NLGN1: variants seen among roughly 807,000 people sequenced by gnomAD.
NLGN1 encodes neuroligin-1.
Under a neutral mutation model 65.5 loss-of-function variants are expected in NLGN1, and 12 were observed. The ratio of observed to expected loss-of-function variants is 0.18; its 90% CI spans 0.12 to 0.30. The LOEUF is 0.30. Ranked by LOEUF, NLGN1 falls within the 10% of genes least tolerant of loss-of-function variation. The probability of loss-of-function intolerance (pLI) is 1.00; values close to 1 mark genes in which losing one functional copy is unlikely to be tolerated. For synonymous variants in NLGN1, 350 were observed against 359.5 expected, an observed-to-expected ratio of 0.97 and a Z score of 0.30; for missense variants, 750 against 1,007.1, an observed-to-expected ratio of 0.74 and a Z score of 3.46.
At chr3:174,218,237 C>A (rs1351495916) in intron 4 of NLGN1, among the ~76,000 whole-genome samples, 2 of 152,068 alleles carry the variant, frequency 1.3e-5, no homozygotes, top group East Asian at 3.9e-4. Flanking sequence ...ATTGATTACC[C>A]TTTACCTTCC....
intron 2 of NLGN1, among the ~76,000 whole-genome samples, chr3:173,474,101 C>T (rs971404217): frequency 6.6e-6 from 1 of 151,946 alleles, no homozygotes; most frequent in African/African-American, 2.4e-5. Flanking sequence ...CCTCCTGCTC[C>T]TCCTCACCCT....
chr3:173,792,242 C>T (rs1712953093), intron 3 of NLGN1, among the ~76,000 whole-genome samples: 1 of 152,136 alleles, frequency 6.6e-6, no homozygotes, highest in African/African-American at 2.4e-5. Context: ...CCTTCACTGG[C>T]TTGTTTCCAG....
At chr3:173,608,492 A>G (rs1019419837) in intron 3 of NLGN1, among the ~76,000 whole-genome samples, 14 of 151,902 alleles carry the variant, frequency 9.2e-5, no homozygotes, top group Admixed American at 7.9e-4. Context: ...CCATTTAATC[A>G]TCATAGCAAC....
At chr3:173,610,912 G>A (rs1037772582) in intron 3 of NLGN1, among the ~76,000 whole-genome samples, 4 of 151,992 alleles carry the variant, frequency 2.6e-5, no homozygotes, top group Non-Finnish European at 5.9e-5. Flanking sequence ...GGTAGGTTAA[G>A]ATAGAAGAAA....
intron 4 of NLGN1, among the ~76,000 whole-genome samples, chr3:174,171,707 A>T (rs576210608): frequency 6.6e-6 from 1 of 152,256 alleles, no homozygotes; most frequent in Admixed American, 6.5e-5. Context: ...TTGAATCTTT[A>T]GGTATTTTAT....
At chr3:174,203,102 A>G (rs1271740737) in intron 4 of NLGN1, among the ~76,000 whole-genome samples, 3 of 152,182 alleles carry the variant, frequency 2.0e-5, no homozygotes, top group Admixed American at 2.0e-4. Context: ...CTGAAGCACA[A>G]ACTTAAGCTC....
chr3:174,058,546 C>T (rs1305716606), intron 4 of NLGN1, among the ~76,000 whole-genome samples: 1 of 151,956 alleles, frequency 6.6e-6, no homozygotes, highest in Non-Finnish European at 1.5e-5. Context: ...TAGGTAGATA[C>T]TCGTATACAT....
At chr3:174,063,602 G>A (rs912399190) in intron 4 of NLGN1, among the ~76,000 whole-genome samples, 3 of 151,852 alleles carry the variant, frequency 2.0e-5, no homozygotes, top group African/African-American at 7.3e-5. Context: ...ATGTCATGAG[G>A]TTCTTATATT....
chr3:173,429,072 TA>T (rs564645925), intron 1 of NLGN1, among the ~76,000 whole-genome samples: 3 of 152,164 alleles, frequency 2.0e-5, no homozygotes, highest in Non-Finnish European at 4.4e-5. Context: ...TACTATTTTT[TA>T]AATAAGTTTT....
At chr3:173,781,667 A>G (rs1340746257) in intron 3 of NLGN1, among the ~76,000 whole-genome samples, 2 of 152,236 alleles carry the variant, frequency 1.3e-5, no homozygotes, top group Non-Finnish European at 2.9e-5. Context: ...CACTTCAGAC[A>G]GGAGGGGTTA....
intron 4 of NLGN1, among the ~76,000 whole-genome samples, chr3:173,969,557 G>A (rs948090122): frequency 2.0e-4 from 30 of 152,024 alleles, no homozygotes; most frequent in Admixed American, 1.9e-3. Flanking sequence ...ACTAGAGCAA[G>A]GTTTGGCCTG....
intron 3 of NLGN1, among the ~76,000 whole-genome samples, chr3:173,674,935 A>G (rs917021959): frequency 6.6e-6 from 1 of 151,872 alleles, no homozygotes; most frequent in South Asian, 2.1e-4. Flanking sequence ...AAAAAATTAT[A>G]TTTTTTTCAT....
At chr3:173,862,922 C>T (rs1729427146) in intron 4 of NLGN1, among the ~76,000 whole-genome samples, 1 of 152,122 alleles carries the variant, frequency 6.6e-6, no homozygotes, top group Admixed American at 6.5e-5. Flanking sequence ...AGGTTAACCC[C>T]TATACCCATT....
At chr3:173,587,171 A>G (rs1747605801) in intron 2 of NLGN1, among the ~76,000 whole-genome samples, 1 of 152,232 alleles carries the variant, frequency 6.6e-6, no homozygotes, top group Admixed American at 6.5e-5. Context: ...ACTTAACTGA[A>G]TGTGCCTTTG....
At chr3:173,754,156 C>T (rs1776753270) in intron 3 of NLGN1, among the ~76,000 whole-genome samples, 1 of 151,316 alleles carries the variant, frequency 6.6e-6, no homozygotes, top group Non-Finnish European at 1.5e-5. Context: ...AGGCGATCCT[C>T]GCACCTCAGC....
At chr3:174,242,913 G>A (rs2152833219) in intron 4 of NLGN1, among the ~76,000 whole-genome samples, 1 of 151,990 alleles carries the variant, frequency 6.6e-6, no homozygotes, top group African/African-American at 2.4e-5. Flanking sequence ...TGATCTAACG[G>A]CGTTAAATGA....
At chr3:173,903,273 G>A (rs1737721725) in intron 4 of NLGN1, among the ~76,000 whole-genome samples, 1 of 152,054 alleles carries the variant, frequency 6.6e-6, no homozygotes, top group East Asian at 1.9e-4. Flanking sequence ...GATTAGCATG[G>A]GGAGGAGAGG....
rs889409175 is a variant in NLGN1, at chr3:173,522,258, G to A, written c.-320-82021G>A. ...ACGTAGGATAATGGCCTCTGGCCCC[G>A]TTCATGTCACTGCAAATGACACTGT... is the stretch of plus-strand genomic sequence containing the variant. On this transcript the variant is annotated intron_variant, in intron 2 of 6. Coordinates refer to ENST00000457714, the Ensembl canonical transcript of NLGN1. 3.3e-5 allele frequency among the ~76,000 whole-genome samples: 5 copies of A among 152,180 alleles called. No homozygotes were observed. In the South Asian group the frequency reaches 6.2e-4, roughly 19 times the overall value.
intron 4 of NLGN1, among the ~76,000 whole-genome samples, chr3:173,972,131 G>C (rs1032227635): frequency 6.6e-6 from 1 of 152,096 alleles, no homozygotes; most frequent in Non-Finnish European, 1.5e-5. Context: ...CATTAACAAA[G>C]TAAGAATATC....
Sources: allele counts gnomAD v4.1 joint callset (sites outside exome capture counted in the v4.1 genomes callset), GRCh38; gene constraint gnomAD v4.1.1; transcripts MANE v1.5; gene names NCBI Gene and HGNC (gene_info 2026-07-23, HGNC 2026-07-21).